Variants in RNF150 observed in about 807,000 individuals in gnomAD.
The protein encoded by RNF150 is ring finger protein 150.
RNF150 carries 24 observed loss-of-function variants against 39.3 expected under a neutral mutation model. The observed-to-expected ratio is 0.61, with a 90% confidence interval of 0.44 to 0.86. RNF150 has a LOEUF of 0.86. Ranked by LOEUF, RNF150 falls within the 40% of genes least tolerant of loss-of-function variation. RNF150 has a pLI of 0.00. For missense variants in RNF150, 502 were observed against 587.8 expected, an observed-to-expected ratio of 0.85 and a Z score of 1.51; for synonymous variants, 255 against 227.3, an observed-to-expected ratio of 1.12 and a Z score of -1.10.
intron 6 of RNF150, among the ~76,000 whole-genome samples, chr4:140,889,014 T>C (rs969979447): frequency 2.6e-5 from 4 of 152,138 alleles, no homozygotes; most frequent in African/African-American, 4.8e-5. Context: ...AGTGCTGAGA[T>C]TGGGTCTTCT....
At chr4:141,005,884 C>T (rs1252350199) in intron 1 of RNF150, among the ~76,000 whole-genome samples, 2 of 135,280 alleles carry the variant, frequency 1.5e-5, no homozygotes, top group Non-Finnish European at 1.7e-5. Flanking sequence ...CCGGCTAAAA[C>T]GGTGAAACCC....
chr4:140,909,757 G>A (rs988336464), intron 6 of RNF150, among the ~76,000 whole-genome samples: 1 of 152,030 alleles, frequency 6.6e-6, no homozygotes, highest in East Asian at 1.9e-4. Context: ...ATCTTTAATG[G>A]CTTTTAAATG....
intron 1 of RNF150, among the ~76,000 whole-genome samples, chr4:141,192,452 T>C (rs1728125882): frequency 6.6e-6 from 1 of 152,150 alleles, no homozygotes; most frequent in East Asian, 1.9e-4. Context: ...TACAAATAAA[T>C]ATATAATGCT....
rs1438063415 is a variant in RNF150, at chr4:141,132,408, T to C, written c.401A>G (p.Asn134Ser). Residue 134 changes from asparagine (N) to serine (S), a missense_variant, in exon 1 of 7, where the codon AAC (asparagine) becomes AGC (serine). Coordinates refer to ENST00000515673, the MANE Select transcript of RNF150 (RefSeq NM_020724.2). This position sits in a 1 kb window ranked among gnomAD's most constrained non-coding sequence, Gnocchi z 4.9. ...GNCTYRDKIR[N>S]AFLQNASAVV... The stretch of plus-strand genomic sequence containing the variant: ...GGCTGAGGCGTTCTGCAGGAACGCG[T>C]TCCGGATCTTATCCCTGTACGTGCA... The C allele has an allele frequency of 2.5e-6, 4 of 1,608,488 alleles. No individual in the cohort carries two copies. The highest frequency in any genetic ancestry group is 2.2e-5 in the South Asian group (2 of 89,452).
intron 4 of RNF150, among the ~76,000 whole-genome samples, chr4:140,928,111 G>A (rs1056673787): frequency 1.3e-5 from 2 of 149,978 alleles, no homozygotes; most frequent in African/African-American, 5.1e-5. Flanking sequence ...TAAGAACTGT[G>A]CTCAACAGAC....
At chr4:140,926,137 C>A in intron 4 of RNF150, 64 bp from the exon 5 acceptor site, 2 of 1,152,168 alleles carry the variant, frequency 1.7e-6, no homozygotes, top group Non-Finnish European at 2.6e-6. Flanking sequence ...TCCACCATGG[C>A]CCAGGGACTC....
chr4:140,977,080 T>C (rs1443286162), intron 1 of RNF150, among the ~76,000 whole-genome samples: 2 of 152,134 alleles, frequency 1.3e-5, no homozygotes, highest in Non-Finnish European at 2.9e-5. Context: ...AAATATCCTG[T>C]CCTATTATTA....
chr4:140,996,218 T>C (rs557445573), intron 1 of RNF150, among the ~76,000 whole-genome samples: 28 of 152,316 alleles, frequency 1.8e-4, no homozygotes, highest in African/African-American at 6.7e-4. Context: ...TGCGTTTTTC[T>C]GACAATAAAT....
intron 1 of RNF150, among the ~76,000 whole-genome samples, chr4:141,103,602 G>A (rs566836189): frequency 4.6e-5 from 7 of 152,172 alleles, no homozygotes; most frequent in African/African-American, 1.7e-4. Flanking sequence ...TCGCACACAC[G>A]CATGTCAGCA....
intron 1 of RNF150, among the ~76,000 whole-genome samples, chr4:141,096,223 G>A (rs1386800615): frequency 8.9e-6 from 1 of 111,782 alleles, no homozygotes; most frequent in Admixed American, 1.1e-4. Context: ...TTTAGATGGA[G>A]TCTCACTCTG....
intron 1 of RNF150, among the ~76,000 whole-genome samples, chr4:141,022,604 T>C (rs1231591809): frequency 6.6e-6 from 1 of 152,204 alleles, no homozygotes; most frequent in Non-Finnish European, 1.5e-5. Flanking sequence ...ACTTTGAGCA[T>C]ATGGCATTTT....
At chr4:140,981,939 C>G (rs1733873990) in intron 1 of RNF150, among the ~76,000 whole-genome samples, 1 of 152,126 alleles carries the variant, frequency 6.6e-6, no homozygotes, top group Non-Finnish European at 1.5e-5. Context: ...ATGATTTCAT[C>G]TTGTTATGAA....
chr4:140,940,864 C>G (rs149996701), intron 4 of RNF150, among the ~76,000 whole-genome samples: 97 of 152,338 alleles, frequency 6.4e-4, no homozygotes, highest in Non-Finnish European at 1.2e-3. Flanking sequence ...TAGCCCTGCT[C>G]TGTCTATGGA....
At chr4:141,194,539 G>A (rs2111206824) in intron 1 of RNF150, among the ~76,000 whole-genome samples, 1 of 152,144 alleles carries the variant, frequency 6.6e-6, no homozygotes, top group East Asian at 1.9e-4. Context: ...CTGTTTTTAG[G>A]TTGATTTGAA....
At chr4:141,041,561 A>C (rs570922263) in intron 1 of RNF150, among the ~76,000 whole-genome samples, 9 of 152,214 alleles carry the variant, frequency 5.9e-5, no homozygotes, top group African/African-American at 2.2e-4. Flanking sequence ...AAGACTCTAT[A>C]AAATACAACT....
chr4:141,063,841 G>A (rs1737344449), intron 1 of RNF150, among the ~76,000 whole-genome samples: 1 of 152,264 alleles, frequency 6.6e-6, no homozygotes, highest in African/African-American at 2.4e-5. Context: ...GGTTATGTGT[G>A]TGTTGGTGAC....
intron 2 of RNF150, among the ~76,000 whole-genome samples, chr4:140,955,010 G>T (rs1169645569): frequency 6.6e-6 from 1 of 152,058 alleles, no homozygotes; most frequent in African/African-American, 2.4e-5. Flanking sequence ...AGATAACTAA[G>T]TGTTCTTAAG....
chr4:141,206,909 C>T (rs62327562), intron 1 of RNF150, among the ~76,000 whole-genome samples: 37,083 of 151,800 alleles, frequency 0.24, 5,057 homozygotes, highest in East Asian at 0.62. Context: ...TGAGAACCCC[C>T]GAGAAGCTGC....
At chr4:140,898,137 A>G (rs746408627) in intron 6 of RNF150, among the ~76,000 whole-genome samples, 9 of 152,106 alleles carry the variant, frequency 5.9e-5, no homozygotes, top group African/African-American at 2.2e-4. Context: ...CCTGGCCCCA[A>G]AGGTGTTGTT....
Sources: gnomAD v4.1 joint callset for allele counts (sites outside exome capture counted in the v4.1 genomes callset) on GRCh38, gnomAD v4.1.1 for gene constraint, Gnocchi (gnomAD v3.1) non-coding constraint, MANE v1.5 for transcripts, NCBI Gene and HGNC (gene_info 2026-07-23, HGNC 2026-07-21) for gene names.